Variants in ANK1 observed in about 807,000 individuals in gnomAD.
ANK1 encodes the protein ankyrin 1, also known as ankyrin-1.
A neutral mutation model predicts 210.4 loss-of-function variants in ANK1; 51 were observed. The observed-to-expected ratio is 0.24, with a 90% confidence interval of 0.19 to 0.31. The LOEUF (loss-of-function observed/expected upper bound fraction) is 0.31, where lower values mean the gene tolerates loss of function less well. Among genes scored for constraint, ANK1 ranks in the 10% least tolerant of loss-of-function variants. The probability of loss-of-function intolerance (pLI) is 1.00; values close to 1 mark genes in which losing one functional copy is unlikely to be tolerated. For missense variants in ANK1, 2,051 were observed against 2,504.4 expected (o/e 0.82, Z 3.86); for synonymous variants, 967 against 1,025.9 (o/e 0.94, Z 1.10).
chr8:41,659,886 A>C (rs1023641574), intron 42 of ANK1, among the ~76,000 whole-genome samples: 1 of 151,956 alleles, frequency 6.6e-6, no homozygotes, highest in South Asian at 2.1e-4. Context: ...AATGAAATTC[A>C]AGGCTCCCTC....
chr8:41,838,238 G>A (rs757890411), intron 1 of ANK1, among the ~76,000 whole-genome samples: 1 of 152,194 alleles, frequency 6.6e-6, no homozygotes, highest in East Asian at 1.9e-4. Context: ...GAAAGGTTTG[G>A]TGAATTGCCC....
chr8:41,792,323 G>T (rs954830896), intron 1 of ANK1, among the ~76,000 whole-genome samples: 1 of 152,168 alleles, frequency 6.6e-6, no homozygotes, highest in Non-Finnish European at 1.5e-5. Flanking sequence ...GAGAAACCTC[G>T]TCCGGCAGGG....
At chr8:41,850,346 A>G (rs1811009029) in intron 1 of ANK1, among the ~76,000 whole-genome samples, 1 of 152,200 alleles carries the variant, frequency 6.6e-6, no homozygotes. Context: ...CATAATAAAA[A>G]TTTAAAATCA....
intron 1 of ANK1, among the ~76,000 whole-genome samples, chr8:41,857,292 G>T (rs1163420828): frequency 6.6e-6 from 1 of 150,768 alleles, no homozygotes; most frequent in Non-Finnish European, 1.5e-5. Flanking sequence ...CATTTTAATG[G>T]GCTCTGTCAA....
At position 41,822,183 on chromosome 8, in the gene ANK1, AAAG is replaced by A. The variant is rs1419351976; in HGVS notation, c.127-64049_127-64047del. Among the ~76,000 whole-genome samples, 549 of 149,526 alleles carry A rather than the reference AAAG, an allele frequency of 3.7e-3. 6 individuals carry two copies. The highest frequency in any genetic ancestry group is 0.019 in the East Asian group (96 of 5,040). ...GAAAGAAAGAAAGAAAGAAAGAAAG[AAAG>A]AAGGAAAGAAAGAAAAGAAAGAAAG... On this transcript the variant is annotated intron_variant, in intron 1 of 42. Coordinates refer to the ANK1 transcript ENST00000265709.
At chr8:41,740,874 C>A (rs570012015) in intron 2 of ANK1, among the ~76,000 whole-genome samples, 1 of 152,298 alleles carries the variant, frequency 6.6e-6, no homozygotes, top group Non-Finnish European at 1.5e-5. Context: ...GGCACTGCCT[C>A]CCACACCTGG....
chr8:41,762,909 G>A (rs983412623), intron 1 of ANK1, among the ~76,000 whole-genome samples: 2 of 152,170 alleles, frequency 1.3e-5, no homozygotes, highest in Admixed American at 1.3e-4. Flanking sequence ...CTGAATCCAG[G>A]AAGAAAAGAA....
rs1245591049 is a variant in ANK1 at position 41,694,186 on chromosome 8, G to T, written c.3328-84C>A. ...GGAGGCAGCTCCATGCCTGGTGAGA[G>T]TGGCCGTCAGTGCACGGGGTCCCGC... On this transcript the variant is annotated intron_variant, in intron 28 of 42. Coordinates refer to ENST00000289734, the MANE Select transcript of ANK1 (RefSeq NM_000037.4). This position sits in a 1 kb window ranked among gnomAD's most constrained non-coding sequence, Gnocchi z 5.7. The T allele has an allele frequency of 1.3e-5, 18 of 1,405,618 alleles. No homozygotes were observed. Among genetic ancestry groups the T allele is most frequent in the Middle Eastern group, 1.9e-4 (1 of 5,304 alleles). 87.1% of individuals were successfully genotyped at this position (1,405,618 alleles called of 1,614,324 possible).
At chr8:41,665,061 G>A in intron 39 of ANK1, 4 of 1,607,298 alleles carry the variant, frequency 2.5e-6, no homozygotes, top group Non-Finnish European at 3.4e-6. Context: ...TGGCAGCCAG[G>A]GCCCCGGCCA....
intron 1 of ANK1, among the ~76,000 whole-genome samples, chr8:41,814,730 T>C (rs1036766674): frequency 6.6e-6 from 1 of 151,794 alleles, no homozygotes; most frequent in African/African-American, 2.4e-5. Flanking sequence ...ATTCTTATTT[T>C]TTTTTATTAT....
chr8:41,751,663 GC>G (rs1210817927), intron 2 of ANK1, among the ~76,000 whole-genome samples: 1 of 151,950 alleles, frequency 6.6e-6, no homozygotes, highest in East Asian at 1.9e-4. Context: ...AAGTCCTCTG[GC>G]CTCCCCACCT....
In ANK1 at chr8:41,708,921, G is replaced by A. The variant is rs765970246; in HGVS notation, c.1855C>T (p.Arg619Cys). ...AAKQNQVEVA[R>C]SLLQYGGSAN... ...GAGCCCCCATACTGCAGCAGACTACGGGCCACCTCCACCTGGTTCTGCTTG... is the reference window on the plus strand; with the variant it reads ...GAGCCCCCATACTGCAGCAGACTACAGGCCACCTCCACCTGGTTCTGCTTG... The change falls in exon 17 of 43, where the codon CGT (arginine) becomes TGT (cysteine). Residue 619 changes from arginine (R) to cysteine (C), a missense_variant. Transcript: ENST00000289734. The A allele has an allele frequency of 1.4e-5, 22 of 1,613,984 alleles. No individual in the cohort carries two copies. The highest frequency in any genetic ancestry group is 2.7e-5 in the African/African-American group (2 of 74,918).
rs1256029001 is a variant in ANK1 at position 41,698,259 on chromosome 8, G to A, written c.2559-138C>T. ...CGCTTCACAACCTGGTGGAAGGACC[G>A]CCTCCTCCTCCATGAAGTCCTCCCC... On this transcript the variant is annotated intron_variant, in intron 23 of 42. Coordinates refer to ENST00000289734, the MANE Select transcript of ANK1 (RefSeq NM_000037.4). The A allele has an allele frequency of 9.8e-5, 80 of 814,980 alleles. 1 individual carries two copies. The highest frequency in any genetic ancestry group is 8.3e-4 in the South Asian group (58 of 69,552). The allele number at this position is 814,980 out of a possible 1,614,324, so 50.5% of individuals were successfully genotyped here. A position where few individuals can be genotyped will look rare whatever the true frequency, so the allele number is the denominator to read the frequency against.
chr8:41,814,666 G>A (rs1358411052), intron 1 of ANK1, among the ~76,000 whole-genome samples: 3 of 151,888 alleles, frequency 2.0e-5, no homozygotes, highest in African/African-American at 7.2e-5. Context: ...TTATAATAAT[G>A]ATGCACCTGA....
chr8:41,729,048 CAA>C (rs1831450309), intron 3 of ANK1, among the ~76,000 whole-genome samples: 1 of 151,908 alleles, frequency 6.6e-6, no homozygotes, highest in Admixed American at 6.6e-5. Context: ...GTGGAGCGGA[CAA>C]AGAGATGGGA....
At chr8:41,713,319 C>G (rs1184733441) in intron 16 of ANK1, among the ~76,000 whole-genome samples, 2 of 152,218 alleles carry the variant, frequency 1.3e-5, no homozygotes, top group Non-Finnish European at 2.9e-5. Flanking sequence ...CCGCTGGCCA[C>G]CAGTCCCGCG....
intron 8 of ANK1, 147 bp from the exon 9 acceptor site, chr8:41,723,370 T>C: frequency 1.7e-6 from 2 of 1,166,328 alleles, no homozygotes; most frequent in South Asian, 1.3e-5. Flanking sequence ...AGTTTTACTA[T>C]TGCCTCCCAC....
rs1489370963 is a variant in ANK1, at chr8:41,704,001, G to A, written c.2295+40C>T. 15 of 1,573,520 alleles carry A rather than the reference G, an allele frequency of 9.5e-6. No individual in the cohort carries two copies. The highest frequency in any genetic ancestry group is 2.7e-5 in the African/African-American group (2 of 74,002). ...GAGTTCACACAGGGCTGCTGCCATG[G>A]GGAGCAGTTTTCTAAACTCAGGAGA... On this transcript the variant is annotated intron_variant, in intron 20 of 42. Coordinates refer to ENST00000289734, the MANE Select transcript of ANK1 (RefSeq NM_000037.4). The surrounding 1 kb of genome is among the most constrained non-coding windows in gnomAD (Gnocchi z 4.1).
At chr8:41,732,938 A>G (rs1386866869) in intron 3 of ANK1, among the ~76,000 whole-genome samples, 1 of 151,734 alleles carries the variant, frequency 6.6e-6, no homozygotes, top group African/African-American at 2.4e-5. Flanking sequence ...GGGTTTCACC[A>G]TGTTGGCCAA....
Sources: allele counts gnomAD v4.1 joint callset (sites outside exome capture counted in the v4.1 genomes callset), GRCh38; gene constraint gnomAD v4.1.1; non-coding constraint Gnocchi (gnomAD v3.1); transcripts MANE v1.5; gene names NCBI Gene and HGNC (gene_info 2026-07-23, HGNC 2026-07-21).